The following FAP variants were observed in gnomAD, a reference collection of about 807,000 sequenced individuals.
FAP encodes the protein fibroblast activation protein alpha.
A neutral mutation model predicts 126.5 loss-of-function variants in FAP; 110 were observed. The ratio of observed to expected loss-of-function variants is 0.87; its 90% CI spans 0.74 to 1.02. The LOEUF is 1.02. FAP is among the 50% of genes least tolerant of loss of function. The pLI is 0.00. For synonymous variants in FAP, 334 were observed against 297.3 expected (o/e 1.12, Z -1.27); for missense variants, 919 against 909.2 (o/e 1.01, Z -0.14).
chr2:162,200,605 T>C lies in FAP; in HGVS notation c.1238A>G (p.Asn413Ser). The change falls in exon 15 of 26, where the codon AAT becomes AGT. Residue 413 changes from asparagine to serine, a missense_variant. By Grantham distance (46) the Asn-to-Ser change is conservative. Coordinates refer to ENST00000188790, the MANE Select transcript of FAP (RefSeq NM_004460.5). ...VTQDSLFYSS[N>S]EFEEYPGRRN... ...TCTTCCAGGGTATTCTTCAAATTCA[T>C]TGCTAGAATAAAACCTGAAAATATA... 1.4e-6 allele frequency: 2 copies of C among 1,457,190 alleles called. No individual in the cohort carries two copies. Among genetic ancestry groups the C allele is most frequent in the Non-Finnish European group, 1.9e-6 (2 of 1,063,334 alleles). The allele number at this position is 1,457,190 out of a possible 1,614,324, so 90.3% of individuals were successfully genotyped here.
Position 162,242,997 on chromosome 2 carries a change from A to G in FAP, c.7-5T>C. ...AAATACGATTTTTACCCAAGTCTAC[A>G]TAAAATAAAGAGAATTAGGCATACA... On this transcript the variant is annotated splice_polypyrimidine_tract_variant and splice_region_variant and intron_variant, in intron 1 of 25. Transcript: ENST00000188790. 6.2e-7 allele frequency: 1 copy of G among 1,609,242 alleles called. No homozygotes were observed. Among genetic ancestry groups the G allele is most frequent in the Admixed American group, 1.7e-5 (1 of 59,704 alleles).
At chr2:162,201,104 T>C (rs1688480118) in intron 14 of FAP, among the ~76,000 whole-genome samples, 2 of 152,140 alleles carry the variant, frequency 1.3e-5, no homozygotes, top group Admixed American at 1.3e-4. Context: ...AAAGAAGTCA[T>C]AAGAGAACAT....
chr2:162,194,871 T>A (rs542561857), intron 16 of FAP, 123 bp from the exon 17 acceptor site: 105 of 827,168 alleles, frequency 1.3e-4, no homozygotes, highest in Admixed American at 9.9e-4. Context: ...ATTCTGCAGC[T>A]ATTTTTTTCC....
chr2:162,224,267 C>T (rs896399197), intron 5 of FAP, among the ~76,000 whole-genome samples, 199 bp downstream of exon 5: 4 of 152,164 alleles, frequency 2.6e-5, no homozygotes, highest in African/African-American at 9.6e-5. Context: ...TTATTTTGGA[C>T]TCTGTTCCTT....
chr2:162,230,850 C>T (rs1402777867), intron 2 of FAP, among the ~76,000 whole-genome samples: 1 of 152,052 alleles, frequency 6.6e-6, no homozygotes, highest in Non-Finnish European at 1.5e-5. Context: ...TTAATGATTT[C>T]ACTGAATCTA....
intron 17 of FAP, 49 bp downstream of exon 17, chr2:162,194,652 G>C (rs773930157): frequency 3.9e-6 from 6 of 1,547,762 alleles, no homozygotes; most frequent in South Asian, 1.1e-5. Context: ...GCATCACAGA[G>C]AGTTCAGGAT....
chr2:162,190,795 G>A (rs1688016607), intron 17 of FAP, among the ~76,000 whole-genome samples: 1 of 152,030 alleles, frequency 6.6e-6, no homozygotes. Context: ...AGAGAGAGCT[G>A]GAGGAGTGCT....
At chr2:162,233,482 T>C (rs1001361689) in intron 2 of FAP, among the ~76,000 whole-genome samples, 2 of 152,152 alleles carry the variant, frequency 1.3e-5, no homozygotes, top group African/African-American at 4.8e-5. Context: ...ACTGATAGCA[T>C]TGAGCATCAT....
intron 14 of FAP, 78 bp downstream of exon 14, chr2:162,202,794 G>T: frequency 9.6e-7 from 1 of 1,039,724 alleles, no homozygotes; most frequent in South Asian, 1.4e-5. Context: ...TTAACTAAGA[G>T]AGTTGGTACA....
intron 12 of FAP, among the ~76,000 whole-genome samples, chr2:162,203,357 T>C (rs1053967979): frequency 1.4e-4 from 21 of 152,186 alleles, no homozygotes; most frequent in African/African-American, 4.8e-4. Flanking sequence ...TTCCGACCAC[T>C]GCTTGGCTGC....
chr2:162,195,681 C>T (rs530530760), intron 16 of FAP, among the ~76,000 whole-genome samples: 56 of 152,200 alleles, frequency 3.7e-4, no homozygotes, highest in African/African-American at 1.2e-3. Flanking sequence ...TTCAGCTTCT[C>T]TATGCAGAAA....
At chr2:162,173,877 C>T in intron 22 of FAP, 90 bp from the exon 23 acceptor site, 5 of 889,894 alleles carry the variant, frequency 5.6e-6, no homozygotes, top group Non-Finnish European at 9.3e-6. Flanking sequence ...AACTGTTTCT[C>T]AATTTTCCCA....
At chr2:162,193,969 CA>C (rs891235823) in intron 17 of FAP, 9 of 152,038 alleles carry the variant, frequency 5.9e-5, no homozygotes, top group Non-Finnish European at 8.8e-5. Context: ...AATAGTAAAT[CA>C]AAAGATAATG....
chr2:162,180,726 T>C (rs1687667750), intron 21 of FAP, among the ~76,000 whole-genome samples: 1 of 152,226 alleles, frequency 6.6e-6, no homozygotes, highest in Non-Finnish European at 1.5e-5. Flanking sequence ...GAAGCCTTAA[T>C]GAAGATTAAG....
chr2:162,203,227 G>T lies in FAP; in HGVS notation c.1048-82C>A, dbSNP rs906256670. 1.8e-5 allele frequency: 14 copies of T among 793,700 alleles called. No individual in the cohort carries two copies. The East Asian group carries it at 3.4e-4, about 19-fold the overall frequency. 49.2% of individuals were successfully genotyped at this position (793,700 alleles called of 1,614,324 possible). A position where few individuals can be genotyped will look rare whatever the true frequency, so the allele number is the denominator to read the frequency against. ...TTTTGTTTTAATATATAAAAGCGAC[G>T]TATGGTCATAGTTATAGGAATCAGA... On this transcript the variant is annotated intron_variant, in intron 12 of 25. Transcript: ENST00000188790.
At chr2:162,202,537 C>G (rs1323639999) in intron 14 of FAP, among the ~76,000 whole-genome samples, 1 of 152,192 alleles carries the variant, frequency 6.6e-6, no homozygotes, top group Non-Finnish European at 1.5e-5. Flanking sequence ...TATCTATGGG[C>G]TGCCCTCCAG....
At chr2:162,209,778 T>A (rs1040170095) in intron 12 of FAP, 174 bp downstream of exon 12, 1 of 574,014 alleles carries the variant, frequency 1.7e-6, no homozygotes, top group Admixed American at 3.2e-5. Context: ...AAAAGGACAT[T>A]GAAATTGTCC....
chr2:162,176,757 G>A (rs1687501487), intron 21 of FAP: 1 of 152,122 alleles, frequency 6.6e-6, no homozygotes, highest in Admixed American at 6.6e-5. Context: ...CTATGCCCCA[G>A]AGAAGGAAAT....
intron 21 of FAP, among the ~76,000 whole-genome samples, chr2:162,177,669 T>C (rs964549338): frequency 1.3e-5 from 2 of 152,188 alleles, no homozygotes; most frequent in African/African-American, 2.4e-5. Context: ...TCTTTTTCCA[T>C]AGCGCTTAAC....
Sources: gnomAD v4.1 joint callset for allele counts (sites outside exome capture counted in the v4.1 genomes callset) on GRCh38, gnomAD v4.1.1 for gene constraint, MANE v1.5 for transcripts, NCBI Gene and HGNC (gene_info 2026-07-23, HGNC 2026-07-21) for gene names.